The following CEP112 variants were observed in gnomAD, a reference collection of about 807,000 sequenced individuals.
CEP112 encodes the protein centrosomal protein of 112 kDa.
CEP112 carries 127 observed loss-of-function variants against 153.0 expected under a neutral mutation model. The observed-to-expected ratio is 0.83, with a 90% CI of 0.72 to 0.96. The LOEUF is 0.96. CEP112 is among the 40% of genes least tolerant of loss of function. The pLI, the probability that CEP112 is intolerant of heterozygous loss-of-function variation, is 0.00. For missense variants in CEP112, 1,089 were observed against 1,101.2 expected (o/e 0.99, Z 0.16); for synonymous variants, 358 against 374.4 (o/e 0.96, Z 0.51).
chr17:65,775,129 T>A (rs76691582), intron 21 of CEP112, among the ~76,000 whole-genome samples: 2,008 of 152,186 alleles, frequency 0.013, 18 homozygotes, highest in African/African-American at 0.023. Context: ...TTTGACCATC[T>A]TTTGGTCAAC....
At chr17:66,179,205 G>A (rs553673817) in intron 2 of CEP112, among the ~76,000 whole-genome samples, 2 of 151,966 alleles carry the variant, frequency 1.3e-5, no homozygotes, top group Non-Finnish European at 2.9e-5. Context: ...AAATTTTAAG[G>A]TTGTTTTTTT....
chr17:66,027,487 A>AT lies in CEP112; in HGVS notation c.1656+13dup. On this transcript the variant is annotated intron_variant, in intron 16 of 26. Transcript: ENST00000535342. ...CTATTTTAAATATTTTATAGCTTCC[A>AT]TAAAACATATTACCTTTTTTTCATA... 7.4e-7 allele frequency: 1 copy of AT among 1,345,664 alleles called. No homozygotes were observed. Among genetic ancestry groups the AT allele is most frequent in the Non-Finnish European group, 9.9e-7 (1 of 1,008,944 alleles). 83.4% of individuals were successfully genotyped at this position (1,345,664 alleles called of 1,614,324 possible). A position where few individuals can be genotyped will look rare whatever the true frequency, so the allele number is the denominator to read the frequency against.
chr17:65,702,076 A>G (rs567255735), intron 23 of CEP112, among the ~76,000 whole-genome samples: 1 of 152,028 alleles, frequency 6.6e-6, no homozygotes, highest in South Asian at 2.1e-4. Context: ...GAGTTTTGCC[A>G]TGTTGGCCAG....
In CEP112 at chr17:66,028,403, T is replaced by G; in HGVS notation, c.1506A>C (p.Ala502=). Residue 502 remains alanine, a splice_region_variant and synonymous_variant, in exon 15 of 27, where the codon GCA becomes GCC. Coordinates refer to ENST00000535342, the MANE Select transcript of CEP112 (RefSeq NM_001199165.4). The part of the protein sequence containing the change: ...KQEHALSASK[A]SSMIEELEQN... ...GCTCTAATTCTTCAATCATACTAGA[T>G]GCCTACAAGGATTTTAAGAAGAATA... 6.5e-7 allele frequency: 1 copy of G among 1,533,984 alleles called. No homozygotes were observed. Among genetic ancestry groups the G allele is most frequent in the Non-Finnish European group, 8.9e-7 (1 of 1,122,780 alleles).
chr17:66,121,018 C>A (rs2069554901), intron 6 of CEP112, among the ~76,000 whole-genome samples: 1 of 152,146 alleles, frequency 6.6e-6, no homozygotes, highest in Non-Finnish European at 1.5e-5. Flanking sequence ...GTGGCTCATG[C>A]CTGTAATCCC....
chr17:65,753,783 G>GA (rs1419918872), intron 21 of CEP112, among the ~76,000 whole-genome samples: 1 of 152,076 alleles, frequency 6.6e-6, no homozygotes, highest in East Asian at 1.9e-4. Flanking sequence ...TCACCCACTA[G>GA]AAAATCTAAA....
At chr17:65,793,606 G>A (rs534362917) in intron 21 of CEP112, among the ~76,000 whole-genome samples, 1 of 152,286 alleles carries the variant, frequency 6.6e-6, no homozygotes, top group South Asian at 2.1e-4. Flanking sequence ...TGAGGCAACA[G>A]GTGGCAAACT....
intron 21 of CEP112, among the ~76,000 whole-genome samples, chr17:65,756,818 G>GA (rs898488318): frequency 1.3e-5 from 2 of 152,046 alleles, no homozygotes; most frequent in East Asian, 3.8e-4. Flanking sequence ...AGAGAGGGAG[G>GA]AAAAAAACCA....
At position 65,971,567 on chromosome 17, in the gene CEP112, A is replaced by G. The variant is rs183517272; in HGVS notation, c.1737-9969T>C. ...TGCATGTATGTTACATGTGTGTTGT[A>G]TGTATATGGCATGTATATTACATGC... On this transcript the variant is annotated intron_variant, in intron 17 of 26. Coordinates refer to ENST00000535342, the MANE Select transcript of CEP112 (RefSeq NM_001199165.4). 8.8e-4 allele frequency among the ~76,000 whole-genome samples: 134 copies of G among 152,276 alleles called. 3 individuals are homozygous for G. The highest frequency in any genetic ancestry group is 8.7e-3 in the South Asian group (42 of 4,828).
chr17:65,691,382 T>G (rs1027338165), intron 23 of CEP112, among the ~76,000 whole-genome samples: 18 of 152,214 alleles, frequency 1.2e-4, no homozygotes, highest in African/African-American at 4.3e-4. Context: ...GAAAGCTATG[T>G]AGTTACTCCC....
chr17:65,719,442 C>T (rs1176222524), intron 23 of CEP112, among the ~76,000 whole-genome samples: 3 of 152,174 alleles, frequency 2.0e-5, no homozygotes, highest in African/African-American at 4.8e-5. Context: ...ATTAGCCCGG[C>T]GTGGTGGTGG....
chr17:66,188,286 AACACACACACACACACACACAC>A (rs59802008), intron 1 of CEP112, among the ~76,000 whole-genome samples: 4 of 109,438 alleles, frequency 3.7e-5, no homozygotes, highest in Admixed American at 1.8e-4. Context: ...CACACACACA[AACACACACACACACACACACAC>A]ACACACACAC....
intron 24 of CEP112, among the ~76,000 whole-genome samples, chr17:65,681,414 G>A (rs1420801759): frequency 6.6e-6 from 1 of 151,234 alleles, no homozygotes; most frequent in Non-Finnish European, 1.5e-5. Context: ...ACACATTCTG[G>A]GCTTCTGCTA....
At chr17:65,805,611 T>C (rs1278753712) in intron 21 of CEP112, among the ~76,000 whole-genome samples, 1 of 152,226 alleles carries the variant, frequency 6.6e-6, no homozygotes, top group Admixed American at 6.5e-5. Flanking sequence ...CTTTGGCACA[T>C]ATATTGAGAT....
At chr17:65,882,227 G>A (rs1339177749) in intron 20 of CEP112, among the ~76,000 whole-genome samples, 7 of 152,092 alleles carry the variant, frequency 4.6e-5, no homozygotes, top group East Asian at 3.9e-4. Flanking sequence ...CCTTCTTCAC[G>A]GTTGATCTCA....
intron 12 of CEP112, among the ~76,000 whole-genome samples, chr17:66,038,986 G>A (rs992406125): frequency 1.3e-5 from 2 of 152,074 alleles, no homozygotes; most frequent in Non-Finnish European, 2.9e-5. Context: ...CAGAAGGGAA[G>A]AGAGCAGATC....
At chr17:65,646,657 C>G (rs1159672848) in intron 24 of CEP112, among the ~76,000 whole-genome samples, 2 of 152,206 alleles carry the variant, frequency 1.3e-5, no homozygotes, top group African/African-American at 2.4e-5. Flanking sequence ...CTCTCAAGCA[C>G]ATATGATTGT....
rs868590570 is a variant in CEP112, at chr17:65,759,099, G to A, written c.2395-8375C>T. Among the ~76,000 whole-genome samples the A allele has an allele frequency of 7.9e-5, 12 of 152,222 alleles. 1 individual carries two copies. Among genetic ancestry groups the A allele is most frequent in the Middle Eastern group, 6.8e-3 (2 of 294 alleles). ...ATGGTGATAAGAGTGACCTCTGGTC[G>A]TCCTTGCTGCTACACTCCCACTGGC... On this transcript the variant is annotated intron_variant, in intron 21 of 26. Transcript: ENST00000535342.
chr17:65,807,930 G>A lies in CEP112; in HGVS notation c.2394+43874C>T, dbSNP rs185279234. On this transcript the variant is annotated intron_variant, in intron 21 of 26. Transcript: ENST00000535342. ...ACTGCCTAGTGGAGCTGTGAAAAGA[G>A]GGCCACCATCCTCCAGACCCCGGAA... is the stretch of plus-strand genomic sequence containing the variant. Among the ~76,000 whole-genome samples, 4 of 152,334 alleles carry A rather than the reference G, an allele frequency of 2.6e-5. No homozygotes were observed. In the East Asian group the frequency reaches 5.8e-4, roughly 22 times the overall value.
Sources: allele counts gnomAD v4.1 joint callset (sites outside exome capture counted in the v4.1 genomes callset), GRCh38; gene constraint gnomAD v4.1.1; transcripts MANE v1.5; gene names NCBI Gene and HGNC (gene_info 2026-07-23, HGNC 2026-07-21).